S100Z: variants seen among roughly 807,000 people sequenced by gnomAD.
S100Z encodes protein S100-Z.
Under a neutral mutation model 8.5 loss-of-function variants are expected in S100Z, and 11 were observed. The ratio of observed to expected loss-of-function variants is 1.30; its 90% CI spans 0.82 to 2.15. The LOEUF (loss-of-function observed/expected upper bound fraction) is 2.15. Ranked by LOEUF, S100Z falls within the 30% of genes most tolerant of loss-of-function variation. S100Z has a pLI of 0.00. For synonymous variants in S100Z, 34 were observed against 43.8 expected, an observed-to-expected ratio of 0.78 and a Z score of 0.89; for missense variants, 126 against 117.9, an observed-to-expected ratio of 1.07 and a Z score of -0.32.
At chr5:76,872,768 C>G (rs554679632) in intron 2 of S100Z, among the ~76,000 whole-genome samples, 23 of 152,282 alleles carry the variant, frequency 1.5e-4, no homozygotes, top group Non-Finnish European at 5.9e-5. Context: ...CAAGACCAGC[C>G]TGGGCAACAT....
Position 76,870,634 on chromosome 5 carries a change from G to A in S100Z, c.-57+350G>A, listed in dbSNP as rs565331356. 3.3e-5 allele frequency among the ~76,000 whole-genome samples: 5 copies of A among 151,886 alleles called. No homozygotes were observed. In the South Asian group the frequency reaches 6.3e-4, roughly 19 times the overall value. The stretch of plus-strand genomic sequence containing the variant: ...TTTTTTTTTCTTTAGTGGACAGTCC[G>A]AATTGAGTTTGAAAAGCTTGTGGGA... On this transcript the variant is annotated intron_variant, in intron 2 of 4. Transcript: ENST00000317593.
intron 4 of S100Z, among the ~76,000 whole-genome samples, chr5:76,880,442 G>A (rs1464332638): frequency 1.3e-5 from 2 of 152,172 alleles, no homozygotes; most frequent in African/African-American, 2.4e-5. Flanking sequence ...ATGTTTCTCA[G>A]GGCTGCTTCG....
At chr5:76,942,015 G>T in the S100Z span, among the ~76,000 whole-genome samples, 4 of 151,554 alleles carry the variant, frequency 2.6e-5, no homozygotes, top group African/African-American at 9.7e-5. Context: ...GTTGGTTCTG[G>T]ATGTTTACTT....
At chr5:76,913,040 G>A (rs905553531) in intron 4 of S100Z, among the ~76,000 whole-genome samples, 4 of 152,162 alleles carry the variant, frequency 2.6e-5, no homozygotes, top group South Asian at 2.1e-4. Context: ...AAGAAAAAAC[G>A]TATACCCTAT....
At chr5:76,866,441 G>T (rs1326713058) in intron 1 of S100Z, among the ~76,000 whole-genome samples, 1 of 152,098 alleles carries the variant, frequency 6.6e-6, no homozygotes, top group Non-Finnish European at 1.5e-5. Context: ...GTTTATGAAG[G>T]CTATAGCAGT....
Position 76,877,676 on chromosome 5 carries a change from C to G in S100Z, c.144C>G (p.Cys48Trp). The change falls in exon 4 of 5, where the codon TGC becomes TGG. Residue 48 changes from cysteine to tryptophan, a missense_variant and splice_region_variant. Physicochemically the swap from Cys to Trp is radical, Grantham distance 215. Coordinates refer to ENST00000317593, the MANE Select transcript of S100Z (RefSeq NM_130772.4). The part of the protein sequence containing the change: ...LQRELTEFLS[C>W]QKETQLVDKI... ...AGAAATTTCCTTTCTCATTTTAGTG[C>G]CAAAAGGAAACCCAGTTGGTTGATA... 6.3e-7 allele frequency: 1 copy of G among 1,595,554 alleles called. No homozygotes were observed. Among genetic ancestry groups the G allele is most frequent in the Non-Finnish European group, 8.6e-7 (1 of 1,166,166 alleles).
At chr5:76,906,976 GTATA>G (rs869046562) in intron 4 of S100Z, among the ~76,000 whole-genome samples, 894 of 21,116 alleles carry the variant, frequency 0.042, 8 homozygotes, top group South Asian at 0.057. Context: ...TTGTGTGTGT[GTATA>G]TATATATATA....
the S100Z span, among the ~76,000 whole-genome samples, chr5:76,944,640 C>A: frequency 6.6e-6 from 1 of 152,206 alleles, no homozygotes; most frequent in African/African-American, 2.4e-5. Context: ...CACCGGCTAG[C>A]TTGCAGTTTT....
intron 1 of S100Z, among the ~76,000 whole-genome samples, chr5:76,855,009 G>A (rs978195728): frequency 2.0e-5 from 3 of 152,234 alleles, no homozygotes; most frequent in Non-Finnish European, 2.9e-5. Flanking sequence ...AAGGTTGCAA[G>A]CTGTAAGCCT....
At chr5:76,915,169 G>A (rs1304798537) in intron 4 of S100Z, among the ~76,000 whole-genome samples, 1 of 151,874 alleles carries the variant, frequency 6.6e-6, no homozygotes, top group Admixed American at 6.6e-5. Context: ...AGCCGAGCAT[G>A]GTGGCAGTCA....
intron 4 of S100Z, among the ~76,000 whole-genome samples, chr5:76,884,060 C>T (rs1359133710): frequency 5.3e-5 from 8 of 152,010 alleles, no homozygotes; most frequent in South Asian, 2.1e-4. Context: ...GTTCGAGGGC[C>T]GAATTTAATT....
the S100Z span, among the ~76,000 whole-genome samples, chr5:76,949,271 A>G: frequency 6.6e-6 from 1 of 151,968 alleles, no homozygotes; most frequent in East Asian, 1.9e-4. Flanking sequence ...CGCCTGTAGT[A>G]CCAGCTACTC....
chr5:76,948,789 G>C, the S100Z span: 2 of 152,178 alleles, frequency 1.3e-5, no homozygotes, highest in African/African-American at 4.8e-5. Flanking sequence ...TAAAATAGAG[G>C]AGTATTGTAT....
chr5:76,861,949 T>C (rs530184871), intron 1 of S100Z, among the ~76,000 whole-genome samples: 1 of 152,322 alleles, frequency 6.6e-6, no homozygotes, highest in East Asian at 1.9e-4. Flanking sequence ...TTTTTTCCTT[T>C]AACATTGTTT....
At chr5:76,936,281 T>A in the S100Z span, among the ~76,000 whole-genome samples, 1 of 151,984 alleles carries the variant, frequency 6.6e-6, no homozygotes, top group African/African-American at 2.4e-5. Flanking sequence ...CATGAAGAAA[T>A]CATATTGCAT....
the S100Z span, among the ~76,000 whole-genome samples, chr5:76,941,580 T>C: frequency 6.6e-6 from 1 of 152,228 alleles, no homozygotes; most frequent in African/African-American, 2.4e-5. Flanking sequence ...TATGTACTTA[T>C]TAGCAGCGTG....
chr5:76,937,275 TG>T, the S100Z span, among the ~76,000 whole-genome samples: 5 of 151,376 alleles, frequency 3.3e-5, no homozygotes, highest in Non-Finnish European at 5.9e-5. Context: ...TGAATACTCT[TG>T]CCCTATGTAA....
intron 1 of S100Z, among the ~76,000 whole-genome samples, chr5:76,864,166 A>G (rs994526378): frequency 6.6e-6 from 1 of 152,160 alleles, no homozygotes; most frequent in African/African-American, 2.4e-5. Context: ...CACATATATG[A>G]CAATGGTCCC....
chr5:76,922,460 T>C (rs142678056), downstream of S100Z, among the ~76,000 whole-genome samples: 42 of 152,332 alleles, frequency 2.8e-4, no homozygotes, highest in African/African-American at 9.6e-4. Flanking sequence ...CTTCCCATAA[T>C]GTCTCCCTCC....
Sources: gnomAD v4.1 joint callset for allele counts (sites outside exome capture counted in the v4.1 genomes callset) on GRCh38, gnomAD v4.1.1 for gene constraint, MANE v1.5 for transcripts, NCBI Gene and HGNC (gene_info 2026-07-23, HGNC 2026-07-21) for gene names.